The following ADAM9 variants were observed in gnomAD, a reference collection of about 807,000 sequenced individuals.
ADAM9 encodes the protein ADAM metallopeptidase domain 9, also known as disintegrin and metalloproteinase domain-containing protein 9.
A neutral mutation model predicts 108.1 loss-of-function variants in ADAM9; 54 were observed. The observed-to-expected ratio is 0.50, with a 90% confidence interval of 0.40 to 0.63. ADAM9 has a LOEUF of 0.63. ADAM9 is among the 20% of genes least tolerant of loss of function. ADAM9 has a pLI of 0.00. For missense variants in ADAM9, 830 were observed against 997.7 expected, an observed-to-expected ratio of 0.83 and a Z score of 2.26; for synonymous variants, 316 against 336.0, an observed-to-expected ratio of 0.94 and a Z score of 0.65.
chr8:39,016,606 T>C (rs1448762254), intron 5 of ADAM9, among the ~76,000 whole-genome samples: 1 of 152,202 alleles, frequency 6.6e-6, no homozygotes, highest in Admixed American at 6.5e-5. Context: ...ATATTACAAT[T>C]CAAATTAAGT....
intron 11 of ADAM9, among the ~76,000 whole-genome samples, chr8:39,039,931 A>G (rs1194007352): frequency 6.6e-6 from 1 of 152,022 alleles, no homozygotes; most frequent in African/African-American, 2.4e-5. Flanking sequence ...TTCTGTTTTT[A>G]ATTTCTTTAG....
intron 15 of ADAM9, among the ~76,000 whole-genome samples, chr8:39,075,213 C>A (rs1838818325): frequency 6.6e-6 from 1 of 151,962 alleles, no homozygotes; most frequent in Admixed American, 6.6e-5. Context: ...GGCCCTAAGC[C>A]CAAAATCTTA....
At chr8:39,054,240 T>G (rs1838043434) in intron 12 of ADAM9, among the ~76,000 whole-genome samples, 1 of 152,188 alleles carries the variant, frequency 6.6e-6, no homozygotes, top group African/African-American at 2.4e-5. Context: ...TGTTATGGCA[T>G]TCTGAGCAGA....
At chr8:39,050,453 T>TG (rs779317214) in intron 12 of ADAM9, among the ~76,000 whole-genome samples, 1,026 of 30,926 alleles carry the variant, frequency 0.033, 8 homozygotes, top group Middle Eastern at 0.16. Context: ...CTTATATTTC[T>TG]TTTTTTTTTT....
chr8:39,083,848 T>C (rs1250232915), intron 18 of ADAM9, among the ~76,000 whole-genome samples: 1 of 152,180 alleles, frequency 6.6e-6, no homozygotes, highest in Non-Finnish European at 1.5e-5. Flanking sequence ...AACTACCAGC[T>C]AGAATGACTA....
intron 20 of ADAM9, among the ~76,000 whole-genome samples, chr8:39,100,304 A>G (rs1053004873): frequency 6.6e-6 from 1 of 151,548 alleles, no homozygotes; most frequent in Non-Finnish European, 1.5e-5. Context: ...CCTGGCTAAC[A>G]TGGTGAAACC....
At chr8:39,002,476 G>A (rs1416084404) in intron 1 of ADAM9, among the ~76,000 whole-genome samples, 2 of 151,568 alleles carry the variant, frequency 1.3e-5, no homozygotes, top group Non-Finnish European at 2.9e-5. Flanking sequence ...GCACCACCAC[G>A]CCCGGCTAAT....
At chr8:39,038,813 T>C (rs1216890520) in intron 11 of ADAM9, among the ~76,000 whole-genome samples, 1 of 152,232 alleles carries the variant, frequency 6.6e-6, no homozygotes, top group Non-Finnish European at 1.5e-5. Context: ...ACAAAAGCCT[T>C]GTGCTAAATG....
chr8:39,068,851 A>G (rs754626219), intron 14 of ADAM9, among the ~76,000 whole-genome samples: 1 of 151,998 alleles, frequency 6.6e-6, no homozygotes. Flanking sequence ...TGTGCCTGGT[A>G]TCTCTTGAGT....
At chr8:39,028,287 T>C (rs1836988600) in intron 11 of ADAM9, among the ~76,000 whole-genome samples, 2 of 152,154 alleles carry the variant, frequency 1.3e-5, no homozygotes, top group Non-Finnish European at 2.9e-5. Flanking sequence ...AAGCAGAATT[T>C]ACAGTTTTTG....
At position 39,017,392 on chromosome 8, in the gene ADAM9, C is replaced by G. The variant is rs1836569767; in HGVS notation, c.584C>G (p.Pro195Arg). The change falls in exon 6 of 22, where the codon CCC becomes CGC. Residue 195 changes from proline (P) to arginine (R), a missense_variant. Physicochemically the swap from Pro to Arg is moderately radical, Grantham distance 103 (BLOSUM62 -2). Around this residue, in one of 3 missense-constraint regions of ADAM9, gnomAD observed 381 missense variants for 539.8 expected, o/e 0.71. Coordinates refer to ENST00000487273, the MANE Select transcript of ADAM9 (RefSeq NM_003816.3). ...GCAAAGGATGAAGAGGAAGAGCCTC[C>G]CAGCATGACTCAGCTACTTCGAGTA... ...ETAKDEEEEP[P>R]SMTQLLRRRR... 6.2e-7 allele frequency: 1 copy of G among 1,613,974 alleles called. No individual in the cohort carries two copies. Among genetic ancestry groups the G allele is most frequent in the Non-Finnish European group, 8.5e-7 (1 of 1,179,958 alleles).
At chr8:39,038,395 T>C (rs756577546) in intron 11 of ADAM9, among the ~76,000 whole-genome samples, 12 of 152,194 alleles carry the variant, frequency 7.9e-5, no homozygotes, top group Non-Finnish European at 1.3e-4. Flanking sequence ...CTTCTTTCTA[T>C]AGTGTTTTCC....
Position 39,055,672 on chromosome 8 carries a change from T to C in ADAM9, c.1491T>C (p.Val497=), listed in dbSNP as rs778864453. 1 of 1,613,818 alleles carries C rather than the reference T, an allele frequency of 6.2e-7. No homozygotes were observed. The change falls in exon 14 of 22, where the codon GTT becomes GTC. Residue 497 remains valine, a synonymous_variant. Coordinates refer to ENST00000487273, the MANE Select transcript of ADAM9 (RefSeq NM_003816.3). Reference sequence around the variant, plus strand: ...CTTCTCAGTTCTGTCAGCCAGATGTTTTTATTCAGAATGGATATCCTTGCC... The same window carrying C: ...CTTCTCAGTTCTGTCAGCCAGATGTCTTTATTCAGAATGGATATCCTTGCC... ...NGSSQFCQPD[V]FIQNGYPCQN...
chr8:39,071,701 G>A (rs1225878274), intron 15 of ADAM9, among the ~76,000 whole-genome samples: 3 of 152,106 alleles, frequency 2.0e-5, no homozygotes, highest in Non-Finnish European at 2.9e-5. Flanking sequence ...TCCTGACTTC[G>A]TGATCCGCTC....
intron 14 of ADAM9, among the ~76,000 whole-genome samples, chr8:39,061,409 C>A (rs1209697670): frequency 6.6e-6 from 1 of 152,216 alleles, no homozygotes; most frequent in African/African-American, 2.4e-5. Context: ...CTTCATCTAT[C>A]ACCTGACCTT....
rs138482520 is a variant in ADAM9, at chr8:39,077,317, G to C, written c.1787G>C (p.Arg596Pro). Residue 596 changes from arginine (R) to proline (P), a missense_variant, in exon 16 of 22, where the codon CGA becomes CCA. Transcript: ENST00000487273. Reference sequence around the variant, plus strand: ...CCTGCTATTATTCAAACGCCTAGTCGAGGCACCAAATGTTGGGGTGTGGAT... The same window carrying C: ...CCTGCTATTATTCAAACGCCTAGTCCAGGCACCAAATGTTGGGGTGTGGAT... ...IVPAIIQTPS[R>P]GTKCWGVDFQ... 3.1e-6 allele frequency: 5 copies of C among 1,613,948 alleles called. No homozygotes were observed. The highest frequency in any genetic ancestry group is 1.3e-5 in the African/African-American group (1 of 74,878).
In ADAM9 at chr8:39,017,059, G is replaced by C; in HGVS notation, c.411-160G>C. On this transcript the variant is annotated intron_variant, in intron 5 of 21. Coordinates refer to ENST00000487273, the MANE Select transcript of ADAM9 (RefSeq NM_003816.3). ...CTATTTGAGCTTTCAATTTAGGTCCGTCCCAGCCCTATCTGTCTGATTCTA... is the reference window on the plus strand; with the variant it reads ...CTATTTGAGCTTTCAATTTAGGTCCCTCCCAGCCCTATCTGTCTGATTCTA... 3.9e-6 allele frequency: 3 copies of C among 768,512 alleles called. No individual in the cohort carries two copies. In the South Asian group the frequency reaches 5.2e-5, roughly 13 times the overall value. 47.6% of individuals were successfully genotyped at this position (768,512 alleles called of 1,614,324 possible). A position where few individuals can be genotyped will look rare whatever the true frequency, so the allele number is the denominator to read the frequency against.
chr8:39,026,552 T>G, intron 10 of ADAM9, 125 bp from the exon 11 acceptor site: 2 of 1,210,178 alleles, frequency 1.7e-6, no homozygotes, highest in South Asian at 2.5e-5. Context: ...TGTTGGATGC[T>G]TGATTTATCA....
chr8:39,042,265 T>C, intron 12 of ADAM9, 148 bp downstream of exon 12: 1 of 879,596 alleles, frequency 1.1e-6, no homozygotes, highest in East Asian at 2.6e-5. Flanking sequence ...ATGGCTGTGT[T>C]CCAGGGATTG....
Sources: allele counts gnomAD v4.1 joint callset (sites outside exome capture counted in the v4.1 genomes callset), GRCh38; gene constraint gnomAD v4.1.1; regional missense constraint gnomAD v4.1.1; transcripts MANE v1.5; gene names NCBI Gene and HGNC (gene_info 2026-07-23, HGNC 2026-07-21).